The following AHI1 variants were observed in gnomAD, a reference collection of about 807,000 sequenced individuals.
The protein encoded by AHI1 is Abelson helper integration site 1.
In AHI1, 123 loss-of-function variants were observed where a neutral mutation model predicts 149.3. The ratio of observed to expected loss-of-function variants is 0.82; its 90% CI spans 0.71 to 0.96. AHI1 has a LOEUF of 0.96. Ranked by LOEUF, AHI1 falls within the 40% of genes least tolerant of loss-of-function variation. The pLI, the probability that AHI1 is intolerant of heterozygous loss-of-function variation, is 0.00. For synonymous variants in AHI1, 475 were observed against 459.8 expected (o/e 1.03, Z -0.42); for missense variants, 1,439 against 1,422.7 (o/e 1.01, Z -0.18).
intron 24 of AHI1, among the ~76,000 whole-genome samples, chr6:135,341,516 A>G (rs549632493): frequency 1.3e-5 from 2 of 152,202 alleles, no homozygotes; most frequent in African/African-American, 4.8e-5. Context: ...TTCACTTAAC[A>G]AAAGCAGAAT....
At chr6:135,497,452 G>T (rs1796129886) in intron 1 of AHI1, 131 bp downstream of exon 1, 1 of 152,266 alleles carries the variant, frequency 6.6e-6, no homozygotes, top group African/African-American at 2.4e-5. Context: ...GCCCACGCTC[G>T]TCGGTCACTA....
chr6:135,316,144 T>A (rs1391579500), intron 26 of AHI1, among the ~76,000 whole-genome samples: 1 of 152,172 alleles, frequency 6.6e-6, no homozygotes, highest in Non-Finnish European at 1.5e-5. Flanking sequence ...GCAAGACTGA[T>A]CTGTCAACCT....
intron 14 of AHI1, among the ~76,000 whole-genome samples, chr6:135,441,950 T>C (rs1786365607): frequency 6.6e-6 from 1 of 152,118 alleles, no homozygotes; most frequent in Non-Finnish European, 1.5e-5. Context: ...TTCAATAAGA[T>C]CTAGTGTTTA....
At position 135,338,250 on chromosome 6, in the gene AHI1, A is replaced by T. The variant is rs184183645; in HGVS notation, c.3166-14926T>A. Among the ~76,000 whole-genome samples, 356 of 148,160 alleles carry T rather than the reference A, an allele frequency of 2.4e-3. 4 individuals carry two copies. The highest frequency in any genetic ancestry group is 8.3e-3 in the African/African-American group (333 of 40,284). On this transcript the variant is annotated intron_variant, in intron 24 of 28. Coordinates refer to ENST00000265602, the MANE Select transcript of AHI1 (RefSeq NM_001134831.2). The stretch of plus-strand genomic sequence containing the variant: ...GGGAGGCGGAGGTTGCAGTGAGCTG[A>T]GATCGCACCACTGAACTCCAGCCTG...
chr6:135,333,183 A>G (rs1788857562), intron 24 of AHI1, among the ~76,000 whole-genome samples: 1 of 152,240 alleles, frequency 6.6e-6, no homozygotes, highest in African/African-American at 2.4e-5. Context: ...GTAATATTTT[A>G]GTAATTATTT....
chr6:135,367,486 C>T (rs576875648), intron 23 of AHI1, among the ~76,000 whole-genome samples: 108 of 152,096 alleles, frequency 7.1e-4, no homozygotes, highest in Non-Finnish European at 1.3e-3. Flanking sequence ...CTTCCAGGAA[C>T]ACCAATTATT....
At chr6:135,312,383 G>A (rs1265846673) in intron 26 of AHI1, among the ~76,000 whole-genome samples, 8 of 152,006 alleles carry the variant, frequency 5.3e-5, no homozygotes, top group African/African-American at 1.9e-4. Context: ...GCATGGTGGT[G>A]CACGCCTGTA....
intron 24 of AHI1, among the ~76,000 whole-genome samples, chr6:135,355,560 C>A (rs187120750): frequency 8.5e-5 from 13 of 152,216 alleles, no homozygotes; most frequent in Admixed American, 7.2e-4. Context: ...TTGACCATAA[C>A]CATATATTTA....
intron 23 of AHI1, among the ~76,000 whole-genome samples, chr6:135,368,898 C>T (rs1774604623): frequency 6.6e-6 from 1 of 152,266 alleles, no homozygotes; most frequent in Admixed American, 6.5e-5. Context: ...CATATCTGCA[C>T]TCCTCATTTG....
At chr6:135,487,742 T>C (rs1385075683) in intron 5 of AHI1, among the ~76,000 whole-genome samples, 1 of 152,188 alleles carries the variant, frequency 6.6e-6, no homozygotes, top group Non-Finnish European at 1.5e-5. Context: ...TTCCCTACTG[T>C]AATACTGACT....
chr6:135,294,724 G>GA (rs944866844), intron 27 of AHI1, among the ~76,000 whole-genome samples: 4 of 119,562 alleles, frequency 3.3e-5, no homozygotes, highest in Non-Finnish European at 3.6e-5. Flanking sequence ...AAAAGAAAAA[G>GA]AAAAAAAAGA....
intron 23 of AHI1, among the ~76,000 whole-genome samples, chr6:135,380,917 G>C (rs1478701066): frequency 6.6e-5 from 10 of 151,800 alleles, no homozygotes; most frequent in Admixed American, 6.6e-4. Flanking sequence ...TTTAAACTTT[G>C]AACATAAGCA....
At position 135,293,071 on chromosome 6, in the gene AHI1, G is replaced by A. The variant is rs140662296; in HGVS notation, c.3486-2546C>T. Reference sequence around the variant, plus strand: ...ACACACCACTAAGTAGGTTTTATCCGAGGAACGCGAAGTTGGTTTAACATT... The same window carrying A: ...ACACACCACTAAGTAGGTTTTATCCAAGGAACGCGAAGTTGGTTTAACATT... On this transcript the variant is annotated intron_variant, in intron 27 of 28. Transcript: ENST00000265602. Among the ~76,000 whole-genome samples the A allele has an allele frequency of 3.5e-3, 531 of 152,242 alleles. 2 individuals are homozygous for A. Among genetic ancestry groups the A allele is most frequent in the African/African-American group, 0.012 (487 of 41,556 alleles).
chr6:135,474,507 A>G (rs998662663), intron 5 of AHI1: 27 of 148,474 alleles, frequency 1.8e-4, no homozygotes, highest in African/African-American at 6.7e-4. Flanking sequence ...TTTTTTTTTT[A>G]GACTAGTCAA....
chr6:135,460,801 G>C (rs1162074954), intron 8 of AHI1, among the ~76,000 whole-genome samples: 1 of 152,146 alleles, frequency 6.6e-6, no homozygotes, highest in Non-Finnish European at 1.5e-5. Flanking sequence ...TATGGGAAAA[G>C]TGACACTGCA....
chr6:135,449,886 A>G (rs1787835219), intron 11 of AHI1, among the ~76,000 whole-genome samples: 5 of 152,222 alleles, frequency 3.3e-5, no homozygotes. Context: ...CAGCCATGTG[A>G]CTTGTAGCTA....
At chr6:135,413,165 T>TA (rs1269586820) in intron 20 of AHI1, among the ~76,000 whole-genome samples, 1 of 151,932 alleles carries the variant, frequency 6.6e-6, no homozygotes, top group Non-Finnish European at 1.5e-5. Flanking sequence ...CCTGTCTCTA[T>TA]AAAAAATTGA....
intron 25 of AHI1, among the ~76,000 whole-genome samples, chr6:135,320,711 G>A (rs1340251647): frequency 1.3e-5 from 2 of 152,184 alleles, no homozygotes; most frequent in Non-Finnish European, 2.9e-5. Flanking sequence ...ACCCTGCCTA[G>A]AGATACACAA....
intron 24 of AHI1, among the ~76,000 whole-genome samples, chr6:135,348,759 C>G (rs938062756): frequency 6.6e-6 from 1 of 151,844 alleles, no homozygotes; most frequent in Non-Finnish European, 1.5e-5. Context: ...AGCAGGGTAG[C>G]GAGTCAAAAA....
Sources: gnomAD v4.1 joint callset for allele counts (sites outside exome capture counted in the v4.1 genomes callset) on GRCh38, gnomAD v4.1.1 for gene constraint, MANE v1.5 for transcripts, NCBI Gene and HGNC (gene_info 2026-07-23, HGNC 2026-07-21) for gene names.